The following WNK2 variants were observed in gnomAD, a reference collection of about 807,000 sequenced individuals.
WNK2 encodes the protein WNK lysine deficient protein kinase 2, also known as serine/threonine-protein kinase WNK2.
WNK2 carries 67 observed loss-of-function variants against 192.1 expected under a neutral mutation model. That is an observed-to-expected ratio of 0.35 (90% CI 0.29 to 0.43). The LOEUF (loss-of-function observed/expected upper bound fraction) is 0.43, where lower values mean the gene tolerates loss of function less well. WNK2 is among the 20% of genes least tolerant of loss of function. The pLI, the probability that WNK2 is intolerant of heterozygous loss-of-function variation, is 1.00. For synonymous variants in WNK2, 1,439 were observed against 1,393.9 expected (o/e 1.03, Z -0.72); for missense variants, 2,698 against 3,089.7 (o/e 0.87, Z 3.01).
Position 93,287,206 on chromosome 9 carries a change from C to T in WNK2, c.4034-1582C>T, listed in dbSNP as rs34954590. Among the ~76,000 whole-genome samples, 554 of 152,310 alleles carry T rather than the reference C, an allele frequency of 3.6e-3. 1 individual carries two copies. The highest frequency in any genetic ancestry group is 5.6e-3 in the Non-Finnish European group (378 of 68,038). On this transcript the variant is annotated intron_variant, in intron 19 of 29. Coordinates refer to ENST00000427277, the MANE Select transcript of WNK2 (RefSeq NM_006648.4). ...AAAACAATAAAGAGCCACAATAAGA[C>T]GCCATCACACAGCCCTAGGGGTGCT...
Position 93,239,245 on chromosome 9 carries a change from A to C in WNK2, c.1323-512A>C, listed in dbSNP as rs1325984217. ...GCAGGTCCTCACTCTCCTCCAGCTC[A>C]CCCTCTGCTCTGCTCTCTGTCATCT... On this transcript the variant is annotated intron_variant, in intron 6 of 29. Transcript: ENST00000427277. The surrounding 1 kb of genome is among the most constrained non-coding windows in gnomAD (Gnocchi z 4.2). Among the ~76,000 whole-genome samples, 4 of 151,946 alleles carry C rather than the reference A, an allele frequency of 2.6e-5. No individual in the cohort carries two copies. Among genetic ancestry groups the C allele is most frequent in the East Asian group, 3.9e-4 (2 of 5,158 alleles).
chr9:93,304,783 G>A (rs886167650), intron 26 of WNK2, among the ~76,000 whole-genome samples: 17 of 152,348 alleles, frequency 1.1e-4, no homozygotes, highest in African/African-American at 4.1e-4. Flanking sequence ...GGAGGTCTCT[G>A]CCCCAGCCCA....
At chr9:93,206,109 G>T (rs763661125) in intron 2 of WNK2, among the ~76,000 whole-genome samples, 4 of 152,220 alleles carry the variant, frequency 2.6e-5, no homozygotes, top group Admixed American at 6.5e-5. Flanking sequence ...GCAGAGGGTG[G>T]TGCCTGAGGG....
At chr9:93,280,608 A>G (rs770442366) in intron 19 of WNK2, among the ~76,000 whole-genome samples, 1 of 152,114 alleles carries the variant, frequency 6.6e-6, no homozygotes, top group Non-Finnish European at 1.5e-5. Flanking sequence ...TTAGGTGTCT[A>G]TCCTTCACAT....
At chr9:93,319,359 C>G in intron 29 of WNK2, 2 of 985,466 alleles carry the variant, frequency 2.0e-6, no homozygotes, top group East Asian at 1.1e-4. Context: ...GGGTGCTGGG[C>G]TGGGCTGTCC....
intron 7 of WNK2, among the ~76,000 whole-genome samples, chr9:93,241,397 C>T (rs1588126432): frequency 6.6e-6 from 1 of 152,204 alleles, no homozygotes; most frequent in South Asian, 2.1e-4. Context: ...TGATAGCCCT[C>T]GGCTCATGTG....
intron 19 of WNK2, 52 bp from the exon 20 acceptor site, chr9:93,288,732 CAGGT>C: frequency 1.3e-6 from 2 of 1,489,420 alleles, no homozygotes; most frequent in Admixed American, 4.6e-5. Flanking sequence ...AAGGAAGAAA[CAGGT>C]AGATAGGACT....
chr9:93,310,089 C>A (rs1056820671), intron 28 of WNK2, among the ~76,000 whole-genome samples: 1 of 152,200 alleles, frequency 6.6e-6, no homozygotes, highest in African/African-American at 2.4e-5. Flanking sequence ...TGTTGCTGTT[C>A]CAATGATGCT....
intron 21 of WNK2, among the ~76,000 whole-genome samples, chr9:93,291,249 C>T (rs1487258511): frequency 1.3e-5 from 2 of 152,176 alleles, no homozygotes; most frequent in African/African-American, 2.4e-5. Flanking sequence ...ACTCTGACTT[C>T]GTGCTCTGAG....
chr9:93,298,952 A>C, intron 24 of WNK2, 118 bp from the exon 25 acceptor site: 1 of 1,061,058 alleles, frequency 9.4e-7, no homozygotes, highest in Non-Finnish European at 1.3e-6. Flanking sequence ...TGTGGTCTGC[A>C]GGAGACGTGA....
intron 19 of WNK2, among the ~76,000 whole-genome samples, chr9:93,285,367 T>C (rs1183553225): frequency 6.6e-6 from 1 of 152,198 alleles, no homozygotes; most frequent in Non-Finnish European, 1.5e-5. Context: ...AGATTTAAAT[T>C]TACAGATAAA....
intron 2 of WNK2, among the ~76,000 whole-genome samples, chr9:93,193,846 CA>C (rs1830770083): frequency 6.6e-6 from 1 of 152,130 alleles, no homozygotes; most frequent in African/African-American, 2.4e-5. Context: ...ATTATATTAA[CA>C]TTTTTTAAAA....
At chr9:93,291,849 A>G (rs774409751) in intron 21 of WNK2, among the ~76,000 whole-genome samples, 3 of 152,166 alleles carry the variant, frequency 2.0e-5, no homozygotes, top group Non-Finnish European at 4.4e-5. Flanking sequence ...AGAGCTCCCT[A>G]GATGGAGAGC....
chr9:93,265,432 T>G (rs113415368), intron 16 of WNK2, among the ~76,000 whole-genome samples: 91 of 152,290 alleles, frequency 6.0e-4, no homozygotes, highest in African/African-American at 1.9e-3. Context: ...ACAACTGGCT[T>G]AGGCTGAAGA....
intron 28 of WNK2, among the ~76,000 whole-genome samples, chr9:93,310,099 T>C (rs1853374215): frequency 6.6e-6 from 1 of 152,218 alleles, no homozygotes; most frequent in Admixed American, 6.5e-5. Context: ...CCAATGATGC[T>C]GGAGCTGAAT....
chr9:93,259,949 G>C lies in WNK2; in HGVS notation c.3066+335G>C, dbSNP rs372292056. On this transcript the variant is annotated intron_variant, in intron 12 of 29. Transcript: ENST00000427277. This position sits in a 1 kb window ranked among gnomAD's most constrained non-coding sequence, Gnocchi z 4.8. Reference sequence around the variant, plus strand: ...GTCTGGCAGCCTTGGTGTGGCTTGCGTTGGGGCACAGGTTGTCTGTCTGAG... The same window carrying C: ...GTCTGGCAGCCTTGGTGTGGCTTGCCTTGGGGCACAGGTTGTCTGTCTGAG... Among the ~76,000 whole-genome samples the C allele has an allele frequency of 6.6e-6, 1 of 152,198 alleles. No individual in the cohort carries two copies. Among genetic ancestry groups the C allele is most frequent in the African/African-American group, 2.4e-5 (1 of 41,444 alleles).
At position 93,289,219 on chromosome 9, in the gene WNK2, C is replaced by A. The variant is rs1237526466; in HGVS notation, c.4465C>A (p.Pro1489Thr). The A allele has an allele frequency of 2.4e-5, 38 of 1,604,672 alleles. No individual in the cohort carries two copies. Among genetic ancestry groups the A allele is most frequent in the Non-Finnish European group, 3.2e-5 (38 of 1,178,418 alleles). ...TGAGCCCAGCCCCCACAGCGGGACCCCACAGCCCGCCTTGGGTCAACCTGC... is the reference window on the plus strand; with the variant it reads ...TGAGCCCAGCCCCCACAGCGGGACCACACAGCCCGCCTTGGGTCAACCTGC... ...APEPSPHSGT[P>T]QPALGQPAPL... The change falls in exon 20 of 30, where the codon CCA becomes ACA. Residue 1489 changes from proline (P) to threonine (T), a missense_variant. Transcript: ENST00000427277.
chr9:93,201,695 C>T (rs12338028), intron 2 of WNK2, among the ~76,000 whole-genome samples: 5,052 of 152,294 alleles, frequency 0.033, 294 homozygotes, highest in African/African-American at 0.11. Flanking sequence ...GCCCAGGACC[C>T]GTGTCTCCCC....
intron 12 of WNK2, 109 bp from the exon 13 acceptor site, chr9:93,261,705 A>G: frequency 2.3e-6 from 3 of 1,319,534 alleles, no homozygotes; most frequent in Non-Finnish European, 3.1e-6. Flanking sequence ...TGTGGTCTGG[A>G]GAGGGGTGTT....
Sources: allele counts gnomAD v4.1 joint callset (sites outside exome capture counted in the v4.1 genomes callset), GRCh38; gene constraint gnomAD v4.1.1; non-coding constraint Gnocchi (gnomAD v3.1); transcripts MANE v1.5; gene names NCBI Gene and HGNC (gene_info 2026-07-23, HGNC 2026-07-21).